The following DNAH5 variants were observed in gnomAD, a reference collection of about 807,000 sequenced individuals.
The protein encoded by DNAH5 is axonemal beta dynein heavy chain 5.
In DNAH5, 372 loss-of-function variants were observed where a neutral mutation model predicts 518.2. That is an observed-to-expected ratio of 0.72 (90% CI 0.66 to 0.78). DNAH5 has a LOEUF of 0.78. DNAH5 is among the 30% of genes least tolerant of loss of function. The pLI, the probability that DNAH5 is intolerant of heterozygous loss-of-function variation, is 0.00. For missense variants in DNAH5, 5,523 were observed against 5,687.0 expected (o/e 0.97, Z 0.93); for synonymous variants, 2,039 against 2,025.9 (o/e 1.01, Z -0.17).
chr5:13,713,197 G>GTATATACCGACATATA (rs1161626010), intron 75 of DNAH5, among the ~76,000 whole-genome samples: 2 of 125,974 alleles, frequency 1.6e-5, no homozygotes, highest in African/African-American at 6.0e-5. Context: ...ACATATATAT[G>GTATATACCGACATATA]TATATACCGA....
At chr5:13,830,352 A>G in intron 36 of DNAH5, 139 bp from the exon 37 acceptor site, 1 of 921,194 alleles carries the variant, frequency 1.1e-6, no homozygotes, top group Non-Finnish European at 1.7e-6. Flanking sequence ...TCTATGCATC[A>G]AGTGACCCAA....
At chr5:13,872,931 GATA>G (rs1770335728) in intron 22 of DNAH5, among the ~76,000 whole-genome samples, 1 of 152,088 alleles carries the variant, frequency 6.6e-6, no homozygotes, top group Non-Finnish European at 1.5e-5. Flanking sequence ...CAGAATGATA[GATA>G]ATAGAGACTC....
intron 66 of DNAH5, among the ~76,000 whole-genome samples, chr5:13,736,915 G>A (rs1028680263): frequency 6.6e-5 from 10 of 152,224 alleles, no homozygotes; most frequent in Admixed American, 2.0e-4. Context: ...GTTACCAAAC[G>A]ATAAATAACT....
rs766146929 is a variant in DNAH5 at position 13,857,095 on chromosome 5, T to C, written c.4950+2357A>G. On this transcript the variant is annotated intron_variant, in intron 30 of 78. Coordinates refer to ENST00000265104, the MANE Select transcript of DNAH5 (RefSeq NM_001369.3). ...TTATCTCTGTTTGCAGATGACATGA[T>C]TGTATATCTAGAAAACCCCATTGTC... is the stretch of plus-strand genomic sequence containing the variant. Among the ~76,000 whole-genome samples, 35 of 152,280 alleles carry C rather than the reference T, an allele frequency of 2.3e-4. No homozygotes were observed. In the Middle Eastern group the frequency reaches 0.01, roughly 44 times the overall value.
intron 76 of DNAH5, among the ~76,000 whole-genome samples, chr5:13,704,153 T>C (rs533134895): frequency 6.6e-6 from 1 of 152,312 alleles, no homozygotes; most frequent in South Asian, 2.1e-4. Flanking sequence ...ATCAGTGACT[T>C]GGCACTAGGG....
Position 13,762,729 on chromosome 5 carries a change from G to A in DNAH5, c.10274C>T (p.Pro3425Leu), listed in dbSNP as rs1751956089. The change falls in exon 60 of 79, where the codon CCT (proline) becomes CTT (leucine). Residue 3425 changes from proline to leucine, a missense_variant. Physicochemically the swap from Pro to Leu is moderately conservative, Grantham distance 98. Transcript: ENST00000265104. Reference protein sequence around the residue: ...SFFSINKEVLPLKANLVVQEN... With the variant: ...SFFSINKEVLLLKANLVVQEN... ...TCTGCCTAGCAGGCTTACCTTCAGA[G>A]GCAGTACTTCTTTGTTTATAGAAAA... 6.2e-7 allele frequency: 1 copy of A among 1,613,900 alleles called. No homozygotes were observed. The highest frequency in any genetic ancestry group is 1.7e-5 in the Admixed American group (1 of 60,008).
At chr5:13,892,247 G>A (rs1310205216) in intron 16 of DNAH5, among the ~76,000 whole-genome samples, 3 of 151,976 alleles carry the variant, frequency 2.0e-5, no homozygotes, top group Admixed American at 1.3e-4. Flanking sequence ...GCTTTCTAAC[G>A]GACTGCTTCT....
intron 1 of DNAH5, among the ~76,000 whole-genome samples, chr5:13,972,780 CA>C (rs1382765603): frequency 6.6e-6 from 1 of 152,132 alleles, no homozygotes; most frequent in East Asian, 1.9e-4. Flanking sequence ...GTTCTTGGAG[CA>C]AAAGTTCATG....
At chr5:13,881,697 C>T (rs543341340) in intron 21 of DNAH5, among the ~76,000 whole-genome samples, 97 of 151,868 alleles carry the variant, frequency 6.4e-4, no homozygotes, top group African/African-American at 2.1e-3. Context: ...TAAGAGGAAA[C>T]GGTATAGCAA....
chr5:13,988,902 A>G (rs1051871997), intron 1 of DNAH5, among the ~76,000 whole-genome samples: 3 of 150,966 alleles, frequency 2.0e-5, no homozygotes, highest in East Asian at 1.9e-4. Flanking sequence ...AATTTTTTGT[A>G]TTTTTAGTAG....
intron 31 of DNAH5, among the ~76,000 whole-genome samples, chr5:13,850,399 G>C (rs1251840211): frequency 6.6e-6 from 1 of 152,218 alleles, no homozygotes; most frequent in Non-Finnish European, 1.5e-5. Flanking sequence ...AGCAGGGACT[G>C]TATGAGGATG....
chr5:13,782,397 A>G (rs1161009615), intron 52 of DNAH5, among the ~76,000 whole-genome samples: 1 of 152,084 alleles, frequency 6.6e-6, no homozygotes, highest in African/African-American at 2.4e-5. Context: ...TTCCATCTCT[A>G]TGTGGACCTG....
At chr5:13,776,298 T>C (rs1335273265) in intron 55 of DNAH5, 141 bp downstream of exon 55, 3 of 1,108,294 alleles carry the variant, frequency 2.7e-6, no homozygotes, top group Middle Eastern at 2.0e-4. Context: ...ATGCTGTCCA[T>C]GAGATTAAAC....
intron 38 of DNAH5, among the ~76,000 whole-genome samples, chr5:13,825,019 C>T (rs1180895591): frequency 6.6e-6 from 1 of 152,174 alleles, no homozygotes. Flanking sequence ...TGATCCAGCA[C>T]TCCCAATTCT....
intron 1 of DNAH5, among the ~76,000 whole-genome samples, chr5:14,000,196 G>C (rs1005156000): frequency 3.9e-5 from 6 of 152,232 alleles, no homozygotes; most frequent in Non-Finnish European, 7.3e-5. Context: ...TCTGAAAAGA[G>C]GGAAGTTGGA....
chr5:13,762,646 C>T, intron 60 of DNAH5, 76 bp downstream of exon 60: 9 of 1,333,614 alleles, frequency 6.7e-6, no homozygotes, highest in South Asian at 1.2e-5. Flanking sequence ...GGCACATGTG[C>T]TCCTGTAAAG....
intron 41 of DNAH5, among the ~76,000 whole-genome samples, chr5:13,819,557 C>T (rs1761950696): frequency 6.6e-6 from 1 of 152,100 alleles, no homozygotes; most frequent in Admixed American, 6.5e-5. Flanking sequence ...GGCTTTCAGT[C>T]AGCTCCTAGA....
At chr5:13,926,590 T>G (rs546804088) in intron 3 of DNAH5, among the ~76,000 whole-genome samples, 3 of 152,226 alleles carry the variant, frequency 2.0e-5, no homozygotes, top group South Asian at 4.1e-4. Context: ...TTTTGCTTTT[T>G]GAGTTAAGGT....
chr5:13,990,419 G>C (rs1027255140), intron 1 of DNAH5, among the ~76,000 whole-genome samples: 1 of 152,078 alleles, frequency 6.6e-6, no homozygotes, highest in Non-Finnish European at 1.5e-5. Flanking sequence ...TGGGCGTGGT[G>C]GCGGGCGCCT....
Sources: allele counts gnomAD v4.1 joint callset (sites outside exome capture counted in the v4.1 genomes callset), GRCh38; gene constraint gnomAD v4.1.1; transcripts MANE v1.5; gene names NCBI Gene and HGNC (gene_info 2026-07-23, HGNC 2026-07-21).